The following G2E3 variants were observed in gnomAD, a reference collection of about 807,000 sequenced individuals.
G2E3 encodes the protein G2/M phase-specific E3 ubiquitin-protein ligase.
A neutral mutation model predicts 92.8 loss-of-function variants in G2E3; 35 were observed. That is an observed-to-expected ratio of 0.38 (90% confidence interval 0.29 to 0.50). The LOEUF (loss-of-function observed/expected upper bound fraction) is 0.50. Among genes scored for constraint, G2E3 ranks in the 20% least tolerant of loss-of-function variants. The probability of loss-of-function intolerance (pLI) is 0.94; values close to 1 mark genes in which losing one functional copy is unlikely to be tolerated. For missense variants in G2E3, 554 were observed against 823.8 expected (o/e 0.67, Z 4.01); for synonymous variants, 242 against 272.4 (o/e 0.89, Z 1.10).
chr14:30,590,981 GTTCCAATGAGCATTTCC>G (rs1880978308), intron 4 of G2E3: 1 of 225,754 alleles, frequency 4.4e-6, no homozygotes, highest in Non-Finnish European at 9.0e-6. Flanking sequence ...AACCCAAAAT[GTTCCAATGAGCATTTCC>G]TTTGAGCATC....
At chr14:30,575,713 A>G (rs917847549) in intron 1 of G2E3, among the ~76,000 whole-genome samples, 2 of 152,324 alleles carry the variant, frequency 1.3e-5, no homozygotes, top group Non-Finnish European at 1.5e-5. Context: ...TAGCATTCCT[A>G]TACACCAAAA....
chr14:30,581,087 A>G lies in G2E3; in HGVS notation c.8A>G (p.Glu3Gly). 1 of 1,478,096 alleles carries G rather than the reference A, an allele frequency of 6.8e-7. No individual in the cohort carries two copies. Among genetic ancestry groups the G allele is most frequent in the Non-Finnish European group, 9.4e-7 (1 of 1,058,586 alleles). The allele number at this position is 1,478,096 out of a possible 1,614,324, so 91.6% of individuals were successfully genotyped here. Residue 3 changes from glutamate (E) to glycine (G), a missense_variant, in exon 2 of 15, where the codon GAA becomes GGA. This residue lies in a region of G2E3 where 137 missense variants were observed against 201.3 expected (regional missense o/e 0.68). Coordinates refer to ENST00000206595, the MANE Select transcript of G2E3 (RefSeq NM_017769.5). MNESKPGDSQNLA... is the reference protein window; with the variant it reads MNGSKPGDSQNLA... ...GTTATTTTTCCTAGTAAAATGAATG[A>G]AAGTAAACCTGGTGACTCACAGAAC...
chr14:30,588,053 T>G (rs573782377), intron 3 of G2E3, among the ~76,000 whole-genome samples: 3 of 152,292 alleles, frequency 2.0e-5, no homozygotes, highest in African/African-American at 7.2e-5. Context: ...GTCTTGTGCC[T>G]CCGTACCTCA....
chr14:30,596,319 T>G (rs1391218046), intron 6 of G2E3, among the ~76,000 whole-genome samples: 1 of 152,156 alleles, frequency 6.6e-6, no homozygotes, highest in Non-Finnish European at 1.5e-5. Context: ...TCAGACACTC[T>G]TTTTGGTAGG....
chr14:30,614,499 AATG>A (rs1882227990), intron 13 of G2E3, among the ~76,000 whole-genome samples: 1 of 152,218 alleles, frequency 6.6e-6, no homozygotes, highest in South Asian at 2.1e-4. Flanking sequence ...CTCCCACAAT[AATG>A]ATATTAATCC....
chr14:30,604,674 G>C (rs1170198873), intron 10 of G2E3, among the ~76,000 whole-genome samples: 3 of 152,094 alleles, frequency 2.0e-5, no homozygotes, highest in Non-Finnish European at 4.4e-5. Flanking sequence ...TGTGAATTCT[G>C]TTTATAATAT....
chr14:30,560,721 A>G, intron 1 of G2E3: 1 of 667,504 alleles, frequency 1.5e-6, no homozygotes, highest in Non-Finnish European at 2.7e-6. Flanking sequence ...TTCAGAATTT[A>G]TTGTGTATAC....
At chr14:30,601,933 A>G (rs1300845244) in intron 9 of G2E3, 39 bp downstream of exon 9, 5 of 1,603,304 alleles carry the variant, frequency 3.1e-6, no homozygotes, top group African/African-American at 1.3e-5. Flanking sequence ...TTTTATTCAA[A>G]TGTATATGAT....
intron 8 of G2E3, 31 bp downstream of exon 8, chr14:30,598,630 G>C (rs1057307445): frequency 2.2e-6 from 3 of 1,336,404 alleles, no homozygotes. Context: ...GTGCTTAGTG[G>C]TTCCTTGTTT....
At chr14:30,601,235 G>C (rs1288714241) in intron 8 of G2E3, among the ~76,000 whole-genome samples, 1 of 152,304 alleles carries the variant, frequency 6.6e-6, no homozygotes, top group East Asian at 1.9e-4. Flanking sequence ...TATGAATATG[G>C]ACTGGCATAC....
intron 10 of G2E3, among the ~76,000 whole-genome samples, chr14:30,604,582 A>ATGC (rs148435440): frequency 0.054 from 8,217 of 151,658 alleles, 707 homozygotes; most frequent in African/African-American, 0.19. Flanking sequence ...TTCTGGGGTA[A>ATGC]TGCTGCTGCT....
At chr14:30,579,453 T>C (rs544619434) in intron 1 of G2E3, among the ~76,000 whole-genome samples, 5 of 152,308 alleles carry the variant, frequency 3.3e-5, no homozygotes, top group Non-Finnish European at 7.4e-5. Flanking sequence ...AGCAAAACTA[T>C]GTTTAAATCC....
chr14:30,597,389 T>G (rs1329863641), intron 6 of G2E3, 31 bp from the exon 7 acceptor site: 1 of 1,038,086 alleles, frequency 9.6e-7, no homozygotes, highest in Non-Finnish European at 1.5e-6. Flanking sequence ...ATTTAAATCA[T>G]TAACAGTAGA....
At chr14:30,597,756 T>C (rs757609058) in intron 7 of G2E3, among the ~76,000 whole-genome samples, 1 of 152,250 alleles carries the variant, frequency 6.6e-6, no homozygotes, top group South Asian at 2.1e-4. Flanking sequence ...AGCTCAGCTA[T>C]GTCCAATTTT....
intron 1 of G2E3, among the ~76,000 whole-genome samples, chr14:30,570,307 T>C (rs1879682455): frequency 2.0e-5 from 3 of 152,142 alleles, no homozygotes; most frequent in Admixed American, 1.3e-4. Context: ...TCTCCTAGAA[T>C]TTGTCCTGAT....
intron 1 of G2E3, among the ~76,000 whole-genome samples, chr14:30,566,386 C>T (rs1020781286): frequency 1.3e-5 from 2 of 152,148 alleles, no homozygotes; most frequent in Non-Finnish European, 2.9e-5. Context: ...TGCAAAATGT[C>T]TTTTCATTTA....
At position 30,601,787 on chromosome 14, in the gene G2E3, G is replaced by A. The variant is rs139829218; in HGVS notation, c.770G>A (p.Arg257His). 9.3e-6 allele frequency: 15 copies of A among 1,613,870 alleles called. No homozygotes were observed. The highest frequency in any genetic ancestry group is 2.7e-5 in the African/African-American group (2 of 74,902). The change falls in exon 9 of 15, where the codon CGC (arginine) becomes CAC (histidine). Residue 257 changes from arginine to histidine, a missense_variant. Coordinates refer to ENST00000206595, the MANE Select transcript of G2E3 (RefSeq NM_017769.5). Reference protein sequence around the residue: ...NAPDSKWEIKRCQCCGSSGTH... With the variant: ...NAPDSKWEIKHCQCCGSSGTH... ...GTCCTCAGCAAATGGGAAATAAAGC[G>A]CTGTCAGTGTTGTGGTTCCAGTGGC... is the stretch of plus-strand genomic sequence containing the variant.
intron 4 of G2E3, chr14:30,590,609 ATTC>A (rs1170492366): frequency 2.2e-6 from 1 of 453,416 alleles, no homozygotes; most frequent in South Asian, 1.6e-5. Context: ...AGAAACATTT[ATTC>A]TTTTAGTTGA....
At chr14:30,581,934 A>G (rs1009765671) in intron 2 of G2E3, among the ~76,000 whole-genome samples, 6 of 152,192 alleles carry the variant, frequency 3.9e-5, no homozygotes, top group Non-Finnish European at 7.3e-5. Flanking sequence ...TTTTAAATTC[A>G]CTCTAAAATT....
Sources: allele counts gnomAD v4.1 joint callset (sites outside exome capture counted in the v4.1 genomes callset), GRCh38; gene constraint gnomAD v4.1.1; regional missense constraint gnomAD v4.1.1; transcripts MANE v1.5; gene names NCBI Gene and HGNC (gene_info 2026-07-23, HGNC 2026-07-21).